Variants in ADCY9 observed in about 807,000 individuals in gnomAD.
ADCY9 encodes the protein adenylate cyclase 9.
A neutral mutation model predicts 101.5 loss-of-function variants in ADCY9; 50 were observed. The observed-to-expected ratio is 0.49, with a 90% CI of 0.39 to 0.62. ADCY9 has a LOEUF of 0.62. ADCY9 is among the 20% of genes least tolerant of loss of function. The probability of loss-of-function intolerance (pLI) is 0.00; values close to 1 mark genes in which losing one functional copy is unlikely to be tolerated. For missense variants in ADCY9, 1,662 were observed against 1,800.4 expected (o/e 0.92, Z 1.39); for synonymous variants, 905 against 769.3 (o/e 1.18, Z -2.92).
chr16:4,075,745 G>A (rs2056862873), intron 2 of ADCY9, among the ~76,000 whole-genome samples: 1 of 152,162 alleles, frequency 6.6e-6, no homozygotes, highest in Non-Finnish European at 1.5e-5. Context: ...GGCTGGGGCA[G>A]CGGGGGGGCC....
intron 2 of ADCY9, among the ~76,000 whole-genome samples, chr16:4,025,237 G>C (rs894505291): frequency 2.6e-5 from 4 of 152,094 alleles, no homozygotes; most frequent in African/African-American, 9.7e-5. Context: ...GCCAGGCATG[G>C]TGGTGTATGA....
At chr16:4,000,986 C>CACACACACACACAG in intron 3 of ADCY9, among the ~76,000 whole-genome samples, 1 of 148,100 alleles carries the variant, frequency 6.8e-6, no homozygotes, top group South Asian at 2.2e-4. Context: ...CACACACACA[C>CACACACACACACAG]ACACACACAC....
intron 10 of ADCY9, among the ~76,000 whole-genome samples, chr16:3,971,683 C>T (rs1350595921): frequency 1.3e-5 from 2 of 152,224 alleles, no homozygotes; most frequent in Non-Finnish European, 2.9e-5. Flanking sequence ...GAGCCCCGCT[C>T]GTTGGGTTAG....
intron 2 of ADCY9, among the ~76,000 whole-genome samples, chr16:4,037,971 G>T (rs1266003522): frequency 6.6e-6 from 1 of 152,134 alleles, no homozygotes; most frequent in African/African-American, 2.4e-5. Context: ...CATCACGAAG[G>T]GATGGTATTA....
In ADCY9 at chr16:3,965,524, C is replaced by T; in HGVS notation, c.*251G>A. 5.5e-6 allele frequency: 3 copies of T among 546,296 alleles called. No homozygotes were observed. The highest frequency in any genetic ancestry group is 3.0e-5 in the East Asian group (1 of 32,924). The allele number at this position is 546,296 out of a possible 1,614,324, so 33.8% of individuals were successfully genotyped here. On this transcript the variant is annotated 3_prime_UTR_variant, in exon 11 of 11. Transcript: ENST00000294016. The stretch of plus-strand genomic sequence containing the variant: ...TCGAGGCCGAGGCCAGCCCTGAAGG[C>T]ACTTGTTCTCCACCACGTGCTGAAC...
At chr16:3,977,654 C>G (rs1172012870) in intron 8 of ADCY9, 24 bp from the exon 9 acceptor site, 3 of 1,601,018 alleles carry the variant, frequency 1.9e-6, no homozygotes, top group Non-Finnish European at 1.7e-6. Flanking sequence ...AGGGTTAGGA[C>G]AGCCGCCCAG....
chr16:4,114,825 G>T lies in ADCY9; in HGVS notation c.618C>A (p.Asn206Lys). The part of the protein sequence containing the change: ...TPVSGRGDSS[N>K]LTATARPTDT... ...CTGTGGGCCGGGCTGTGGCCGTAAG[G>T]TTGGAGCTGTCGCCGCGTCCTGAGA... The change falls in exon 2 of 11, where the codon AAC (asparagine) becomes AAA (lysine). Residue 206 changes from asparagine to lysine, a missense_variant. By Grantham distance (94) the Asn-to-Lys change is moderately conservative. Coordinates refer to ENST00000294016, the MANE Select transcript of ADCY9 (RefSeq NM_001116.4). This position sits in a 1 kb window ranked among gnomAD's most constrained non-coding sequence, Gnocchi z 4.3. 1 of 1,613,504 alleles carries T rather than the reference G, an allele frequency of 6.2e-7. No homozygotes were observed. Among genetic ancestry groups the T allele is most frequent in the Non-Finnish European group, 8.5e-7 (1 of 1,180,054 alleles).
chr16:3,963,685 G>A lies in ADCY9; in HGVS notation c.*2090C>T. On this transcript the variant is annotated 3_prime_UTR_variant, in exon 11 of 11. Transcript: ENST00000294016. ...GAGCATGTTCTGAGCGAGACAGCAAGGTCGTGAGCAAACGCCCAGCCCCTC... is the reference window on the plus strand; with the variant it reads ...GAGCATGTTCTGAGCGAGACAGCAAAGTCGTGAGCAAACGCCCAGCCCCTC... 4.0e-6 allele frequency: 1 copy of A among 250,072 alleles called. No individual in the cohort carries two copies. The highest frequency in any genetic ancestry group is 7.6e-6 in the Non-Finnish European group (1 of 131,718). 15.5% of individuals were successfully genotyped at this position (250,072 alleles called of 1,614,324 possible). A position where few individuals can be genotyped will look rare whatever the true frequency, so the allele number is the denominator to read the frequency against.
At chr16:4,101,614 T>C (rs2057043879) in intron 2 of ADCY9, among the ~76,000 whole-genome samples, 1 of 152,182 alleles carries the variant, frequency 6.6e-6, no homozygotes, top group South Asian at 2.1e-4. Flanking sequence ...CTTCCCTTTC[T>C]AGGCGTCATG....
intron 2 of ADCY9, among the ~76,000 whole-genome samples, chr16:4,019,598 A>C (rs1218045326): frequency 6.6e-6 from 1 of 151,998 alleles, no homozygotes; most frequent in Non-Finnish European, 1.5e-5. Context: ...AGCAGCCCTC[A>C]CTCCCAAAAG....
chr16:3,994,083 G>T (rs1352655758), intron 3 of ADCY9, among the ~76,000 whole-genome samples: 1 of 152,160 alleles, frequency 6.6e-6, no homozygotes, highest in East Asian at 1.9e-4. Flanking sequence ...TTCCCAAGGG[G>T]ATGGCATTGG....
At chr16:4,045,053 G>A (rs1490676488) in intron 2 of ADCY9, among the ~76,000 whole-genome samples, 1 of 152,110 alleles carries the variant, frequency 6.6e-6, no homozygotes, top group Admixed American at 6.6e-5. Flanking sequence ...TGAGTTTATG[G>A]GAATGAGGAT....
intron 2 of ADCY9, among the ~76,000 whole-genome samples, chr16:4,089,064 G>A (rs2056957112): frequency 6.6e-6 from 1 of 151,966 alleles, no homozygotes; most frequent in Admixed American, 6.6e-5. Context: ...CCTAGAAATG[G>A]AATCATATAA....
intron 2 of ADCY9, among the ~76,000 whole-genome samples, chr16:4,039,679 C>CAAAA (rs35158886): frequency 7.7e-5 from 5 of 64,612 alleles, no homozygotes; most frequent in African/African-American, 9.7e-5. Flanking sequence ...AACTCTGTCT[C>CAAAA]AAAAAAAAAA....
intron 7 of ADCY9, among the ~76,000 whole-genome samples, chr16:3,980,114 G>C (rs550755645): frequency 6.6e-6 from 1 of 152,366 alleles, no homozygotes; most frequent in Non-Finnish European, 1.5e-5. Flanking sequence ...CCTCTAGCTG[G>C]CGGCTTCAGG....
intron 2 of ADCY9, among the ~76,000 whole-genome samples, chr16:4,065,341 G>C (rs1460811801): frequency 6.6e-6 from 1 of 152,222 alleles, no homozygotes; most frequent in Admixed American, 6.5e-5. Flanking sequence ...GAAAGGGAAA[G>C]TAAGCCCTGT....
intron 2 of ADCY9, among the ~76,000 whole-genome samples, chr16:4,023,571 G>C (rs555403915): frequency 6.6e-6 from 1 of 152,144 alleles, no homozygotes; most frequent in African/African-American, 2.4e-5. Flanking sequence ...AGAAAGTGTG[G>C]CATGAGAGGA....
At chr16:4,077,069 C>T (rs1186873795) in intron 2 of ADCY9, among the ~76,000 whole-genome samples, 2 of 98,738 alleles carry the variant, frequency 2.0e-5, no homozygotes, top group Non-Finnish European at 4.1e-5. Flanking sequence ...AAGGTTGAGA[C>T]TTCGTCTCAA....
intron 2 of ADCY9, among the ~76,000 whole-genome samples, chr16:4,067,428 C>A (rs79738639): frequency 0.029 from 4,466 of 152,206 alleles, 210 homozygotes; most frequent in African/African-American, 0.1. Flanking sequence ...TAACAGTGAA[C>A]ATGATCTGGC....
Sources: allele counts gnomAD v4.1 joint callset (sites outside exome capture counted in the v4.1 genomes callset), GRCh38; gene constraint gnomAD v4.1.1; non-coding constraint Gnocchi (gnomAD v3.1); transcripts MANE v1.5; gene names NCBI Gene and HGNC (gene_info 2026-07-23, HGNC 2026-07-21).